Variants in RTN3 observed in about 807,000 individuals in gnomAD.
RTN3 encodes the protein reticulon-3.
In RTN3, 49 loss-of-function variants were observed where a neutral mutation model predicts 77.8. That is an observed-to-expected ratio of 0.63 (90% CI 0.50 to 0.80). RTN3 has a LOEUF of 0.80. RTN3 is among the 30% of genes least tolerant of loss of function. The probability of loss-of-function intolerance (pLI) is 0.00; values close to 1 mark genes in which losing one functional copy is unlikely to be tolerated. For synonymous variants in RTN3, 464 were observed against 446.9 expected (o/e 1.04, Z -0.48); for missense variants, 1,236 against 1,211.9 (o/e 1.02, Z -0.29).
At chr11:63,703,700 G>T (rs997494187) in intron 1 of RTN3, among the ~76,000 whole-genome samples, 1 of 151,662 alleles carries the variant, frequency 6.6e-6, no homozygotes, top group Non-Finnish European at 1.5e-5. Context: ...CCGCCACCAC[G>T]CCTGGCTAAT....
chr11:63,741,205 A>T (rs576279962), intron 3 of RTN3, among the ~76,000 whole-genome samples: 8,358 of 127,184 alleles, frequency 0.066, 272 homozygotes, highest in East Asian at 0.14. Flanking sequence ...TTATTTATTT[A>T]TTTATTTATT....
intron 2 of RTN3, 56 bp from the exon 3 acceptor site, chr11:63,718,646 G>A (rs1445634684): frequency 1.8e-5 from 24 of 1,348,360 alleles, no homozygotes; most frequent in South Asian, 3.3e-5. Context: ...GGCTTGGCTA[G>A]CTAATGTGTA....
Position 63,720,908 on chromosome 11 carries a change from T to G in RTN3, c.2406T>G (p.Asp802Glu), listed in dbSNP as rs375825683. Residue 802 changes from aspartate (D) to glutamate (E), a missense_variant, in exon 3 of 9, where the codon GAT becomes GAG. By Grantham distance (45) the Asp-to-Glu change is conservative. This residue lies in a region of RTN3 where 1,056 missense variants were observed against 990.4 expected (regional missense o/e 1.07). Transcript: ENST00000377819. The stretch of plus-strand genomic sequence containing the variant: ...AACGTAATGTCAAGAATGGATCTGA[T>G]CTTGGGATTTCCCAGAAGCCCATCA... ...ILERNVKNGS[D>E]LGISQKPITI... is the part of the protein sequence containing the mutation. The G allele has an allele frequency of 1.2e-6, 2 of 1,614,086 alleles. No individual in the cohort carries two copies. Among genetic ancestry groups the G allele is most frequent in the South Asian group, 1.1e-5 (1 of 91,078 alleles).
chr11:63,715,950 A>G (rs1191438836), intron 2 of RTN3, among the ~76,000 whole-genome samples: 1 of 152,226 alleles, frequency 6.6e-6, no homozygotes, highest in East Asian at 1.9e-4. Context: ...GTTATGCCCT[A>G]ATCTAGTCAT....
Position 63,719,328 on chromosome 11 carries a change from T to C in RTN3, c.826T>C (p.Ser276Pro), listed in dbSNP as rs1182398011. The C allele has an allele frequency of 6.2e-7, 1 of 1,614,182 alleles. No homozygotes were observed. The highest frequency in any genetic ancestry group is 8.5e-7 in the Non-Finnish European group (1 of 1,180,030). Residue 276 changes from serine to proline, a missense_variant, in exon 3 of 9, where the codon TCT becomes CCT. Physicochemically the swap from Ser to Pro is moderately conservative, Grantham distance 74 (BLOSUM62 -1). Transcript: ENST00000377819. ...GAGCACAGATGATTTTGGTAGCTGG[T>C]CTGTGCACACTGATAAAGAATCATC... ...KESTDDFGSW[S>P]VHTDKESSED...
intron 1 of RTN3, among the ~76,000 whole-genome samples, chr11:63,684,129 G>GTTTTTTTTTTTT (rs61663789): frequency 2.1e-4 from 18 of 85,272 alleles, no homozygotes; most frequent in African/African-American, 3.1e-4. Flanking sequence ...TTTTCTTTTG[G>GTTTTTTTTTTTT]TTTTTTTTTT....
chr11:63,748,225 A>C (rs1025640612), intron 3 of RTN3, among the ~76,000 whole-genome samples: 1 of 150,316 alleles, frequency 6.7e-6, no homozygotes, highest in East Asian at 1.9e-4. Flanking sequence ...AGAGAGTTGG[A>C]GGTGTCTTTA....
At chr11:63,716,979 C>CAAAAAAAAAAAAAAAAAAA (rs6144367) in intron 2 of RTN3, among the ~76,000 whole-genome samples, 1 of 120,270 alleles carries the variant, frequency 8.3e-6, no homozygotes, top group Non-Finnish European at 1.6e-5. Context: ...AAAAAAAAAA[C>CAAAAAAAAAAAAAAAAAAA]AAAAAAAAAA....
At chr11:63,721,528 T>C (rs1330091826) in intron 3 of RTN3, among the ~76,000 whole-genome samples, 1 of 141,918 alleles carries the variant, frequency 7.0e-6, no homozygotes, top group Non-Finnish European at 1.5e-5. Flanking sequence ...TGAGATGAGA[T>C]CGCGCCAGTA....
chr11:63,683,943 CTTTTTTTTTTTTTTTTTTTT>C (rs35837590), intron 1 of RTN3, among the ~76,000 whole-genome samples: 1 of 58,952 alleles, frequency 1.7e-5, no homozygotes, highest in Non-Finnish European at 3.3e-5. Context: ...TCTTTTCTTT[CTTTTTTTTTTTTTTTTTTTT>C]TTTTTTTTTA....
At chr11:63,748,690 C>T (rs1328813898) in intron 3 of RTN3, among the ~76,000 whole-genome samples, 4 of 109,232 alleles carry the variant, frequency 3.7e-5, no homozygotes, top group East Asian at 5.8e-4. Context: ...TTTTTTTAGA[C>T]GGAGTTTCGC....
At position 63,720,261 on chromosome 11, in the gene RTN3, G is replaced by A. The variant is rs781179663; in HGVS notation, c.1759G>A (p.Asp587Asn). ...TGAGGCAGCATGTTCAAAAGTACCCGATACGAATGTCTCCTTAGAAGATGT... is the reference window on the plus strand; with the variant it reads ...TGAGGCAGCATGTTCAAAAGTACCCAATACGAATGTCTCCTTAGAAGATGT... ...ASEAACSKVP[D>N]TNVSLEDVSE... is the part of the protein sequence containing the mutation. Residue 587 changes from aspartate to asparagine, a missense_variant, in exon 3 of 9, where the codon GAT becomes AAT. Asp to Asn is a conservative substitution (Grantham distance 23, BLOSUM62 1). Coordinates refer to ENST00000377819, the MANE Select transcript of RTN3 (RefSeq NM_001265589.2). 4.3e-6 allele frequency: 7 copies of A among 1,613,822 alleles called. No individual in the cohort carries two copies. In the Admixed American group the frequency reaches 5.0e-5, roughly 12 times the overall value.
intron 2 of RTN3, among the ~76,000 whole-genome samples, chr11:63,708,741 C>T (rs993226083): frequency 3.9e-5 from 6 of 152,044 alleles, no homozygotes; most frequent in African/African-American, 1.4e-4. Context: ...TAAGTTGTAC[C>T]CCTGAGTAGT....
At chr11:63,701,292 C>T (rs1250670570) in intron 1 of RTN3, among the ~76,000 whole-genome samples, 2 of 151,926 alleles carry the variant, frequency 1.3e-5, no homozygotes, top group African/African-American at 4.8e-5. Context: ...AGTATGTTGC[C>T]CTTTCATACT....
At chr11:63,722,718 C>A (rs2011909921) in intron 3 of RTN3, among the ~76,000 whole-genome samples, 2 of 152,316 alleles carry the variant, frequency 1.3e-5, no homozygotes, top group South Asian at 4.1e-4. Flanking sequence ...CTAATTCTTG[C>A]TGTGCTGTGT....
At position 63,720,286 on chromosome 11, in the gene RTN3, T is replaced by G; in HGVS notation, c.1784T>G (p.Val595Gly). The G allele has an allele frequency of 6.2e-7, 1 of 1,613,306 alleles. No homozygotes were observed. Among genetic ancestry groups the G allele is most frequent in the South Asian group, 1.1e-5 (1 of 90,904 alleles). ...GATACGAATGTCTCCTTAGAAGATG[T>G]GAGTGAAGTTGCTCCTGAAAAGCCT... is the stretch of plus-strand genomic sequence containing the variant. ...VPDTNVSLED[V>G]SEVAPEKPIT... Residue 595 changes from valine (V) to glycine (G), a missense_variant, in exon 3 of 9, where the codon GTG (valine) becomes GGG (glycine). Coordinates refer to ENST00000377819, the MANE Select transcript of RTN3 (RefSeq NM_001265589.2).
intron 7 of RTN3, among the ~76,000 whole-genome samples, chr11:63,753,909 A>G (rs1413354960): frequency 6.6e-6 from 1 of 152,248 alleles, no homozygotes; most frequent in Non-Finnish European, 1.5e-5. Flanking sequence ...AGAGATGACT[A>G]GGAAAGAGAA....
chr11:63,716,679 A>T (rs1489971297), intron 2 of RTN3, among the ~76,000 whole-genome samples: 2 of 152,076 alleles, frequency 1.3e-5, no homozygotes, highest in Admixed American at 1.3e-4. Flanking sequence ...AAAGTTTAAA[A>T]ATCAGGCCAG....
intron 3 of RTN3, among the ~76,000 whole-genome samples, chr11:63,724,037 A>G (rs1331240281): frequency 6.6e-6 from 1 of 152,130 alleles, no homozygotes; most frequent in Non-Finnish European, 1.5e-5. Flanking sequence ...GTGTTTTAGT[A>G]TCCAGATTGG....
Sources: allele counts gnomAD v4.1 joint callset (sites outside exome capture counted in the v4.1 genomes callset), GRCh38; gene constraint gnomAD v4.1.1; regional missense constraint gnomAD v4.1.1; transcripts MANE v1.5; gene names NCBI Gene and HGNC (gene_info 2026-07-23, HGNC 2026-07-21).